BRINP1: variants seen among roughly 807,000 people sequenced by gnomAD.
BRINP1 encodes the protein BMP/retinoic acid inducible neural specific 1.
Under a neutral mutation model 72.9 loss-of-function variants are expected in BRINP1, and 17 were observed. That is an observed-to-expected ratio of 0.23 (90% CI 0.16 to 0.35). The LOEUF (loss-of-function observed/expected upper bound fraction) is 0.35, where lower values mean the gene tolerates loss of function less well. BRINP1 is among the 10% of genes least tolerant of loss of function. The pLI is 1.00. For missense variants in BRINP1, 850 were observed against 1,001.6 expected, an observed-to-expected ratio of 0.85 and a Z score of 2.04; for synonymous variants, 418 against 378.5, an observed-to-expected ratio of 1.10 and a Z score of -1.21.
intron 2 of BRINP1, among the ~76,000 whole-genome samples, chr9:119,295,740 G>A (rs1325723128): frequency 6.6e-6 from 1 of 152,132 alleles, no homozygotes; most frequent in South Asian, 2.1e-4. Flanking sequence ...ACCTGGGCAT[G>A]TATTGTCAAT....
At chr9:119,362,006 T>C (rs938107469) in intron 1 of BRINP1, among the ~76,000 whole-genome samples, 2 of 151,882 alleles carry the variant, frequency 1.3e-5, no homozygotes, top group Non-Finnish European at 2.9e-5. Flanking sequence ...ATTCACCATG[T>C]TGGTCAGGCT....
intron 7 of BRINP1, among the ~76,000 whole-genome samples, chr9:119,182,791 A>T (rs1829572037): frequency 6.6e-6 from 1 of 152,236 alleles, no homozygotes; most frequent in African/African-American, 2.4e-5. Flanking sequence ...AGACTAAGAT[A>T]ATACGTAAAC....
chr9:119,305,867 G>A (rs933833217), intron 2 of BRINP1, among the ~76,000 whole-genome samples: 6 of 152,168 alleles, frequency 3.9e-5, no homozygotes, highest in Middle Eastern at 3.2e-3. Flanking sequence ...TGCAGGGCCT[G>A]ACTAGTAGGA....
intron 1 of BRINP1, among the ~76,000 whole-genome samples, chr9:119,336,153 T>C (rs1374238958): frequency 6.6e-6 from 1 of 152,202 alleles, no homozygotes; most frequent in Non-Finnish European, 1.5e-5. Context: ...CTTCAAGTGC[T>C]CTGGAATACC....
chr9:119,306,107 G>C (rs1329864378), intron 2 of BRINP1, among the ~76,000 whole-genome samples: 1 of 152,132 alleles, frequency 6.6e-6, no homozygotes, highest in Non-Finnish European at 1.5e-5. Flanking sequence ...TGGGCAAGTA[G>C]GTCCATTTTC....
In BRINP1 at chr9:119,214,002, A is replaced by G. The variant is rs1159165756; in HGVS notation, c.839T>C (p.Ile280Thr). 7 of 1,614,108 alleles carry G rather than the reference A, an allele frequency of 4.3e-6. No homozygotes were observed. The highest frequency in any genetic ancestry group is 5.9e-6 in the Non-Finnish European group (7 of 1,180,024). Residue 280 changes from isoleucine to threonine, a missense_variant, in exon 6 of 8, where the codon ATC becomes ACC. Ile to Thr is a moderately conservative substitution (Grantham distance 89). Coordinates refer to ENST00000265922, the MANE Select transcript of BRINP1 (RefSeq NM_014618.3). The part of the protein sequence containing the change: ...AEEFPQCNCP[I>T]TDIQIMEYTL... ...GTACTCCATGATCTGGATGTCCGTG[A>G]TGGGGCAGTTGCACTGCGGAAACTC...
chr9:119,292,927 T>C (rs941428793), intron 2 of BRINP1, among the ~76,000 whole-genome samples: 1 of 152,202 alleles, frequency 6.6e-6, no homozygotes, highest in Non-Finnish European at 1.5e-5. Context: ...GCAAGAGTTT[T>C]CCCTGAGAAG....
intron 1 of BRINP1, among the ~76,000 whole-genome samples, chr9:119,366,312 G>C (rs918225967): frequency 1.3e-5 from 2 of 152,054 alleles, no homozygotes; most frequent in African/African-American, 2.4e-5. Flanking sequence ...TGGTAGATGG[G>C]TGTACATTTT....
intron 2 of BRINP1, among the ~76,000 whole-genome samples, chr9:119,260,536 ATTTG>A (rs902858250): frequency 3.3e-4 from 50 of 152,308 alleles, no homozygotes; most frequent in African/African-American, 7.7e-4. Context: ...TAGATCAGTG[ATTTG>A]TTTGTTTGTT....
chr9:119,349,438 G>A (rs936386797), intron 1 of BRINP1, among the ~76,000 whole-genome samples: 3 of 152,192 alleles, frequency 2.0e-5, no homozygotes, highest in Non-Finnish European at 4.4e-5. Context: ...CTCTTGGAGA[G>A]AAGCCGAGAG....
intron 2 of BRINP1, among the ~76,000 whole-genome samples, chr9:119,252,554 G>A (rs919709760): frequency 1.4e-4 from 15 of 108,278 alleles, no homozygotes; most frequent in African/African-American, 4.3e-4. Context: ...ATAGTCATAC[G>A]TGTGTGTGTG....
intron 3 of BRINP1, among the ~76,000 whole-genome samples, chr9:119,245,718 G>A (rs753679670): frequency 2.0e-5 from 3 of 152,072 alleles, no homozygotes; most frequent in Non-Finnish European, 4.4e-5. Context: ...TTGTCTCATA[G>A]GTGACAGGTT....
At chr9:119,197,486 T>C (rs921523690) in intron 7 of BRINP1, among the ~76,000 whole-genome samples, 1 of 152,190 alleles carries the variant, frequency 6.6e-6, no homozygotes, top group African/African-American at 2.4e-5. Context: ...ACAGGTATTA[T>C]TATCATCATT....
At chr9:119,281,102 G>A (rs1263800362) in intron 2 of BRINP1, among the ~76,000 whole-genome samples, 2 of 152,180 alleles carry the variant, frequency 1.3e-5, no homozygotes, top group Non-Finnish European at 2.9e-5. Flanking sequence ...AAGCCAGGGA[G>A]TCCAGCCAAC....
At chr9:119,199,615 T>C (rs904118622) in intron 7 of BRINP1, among the ~76,000 whole-genome samples, 1 of 152,156 alleles carries the variant, frequency 6.6e-6, no homozygotes, top group Admixed American at 6.5e-5. Flanking sequence ...AATTCTACTG[T>C]CTGCCCTCAA....
intron 2 of BRINP1, among the ~76,000 whole-genome samples, chr9:119,272,364 T>A (rs1276918450): frequency 6.6e-6 from 1 of 152,052 alleles, no homozygotes; most frequent in Admixed American, 6.6e-5. Context: ...ATTATAGGAG[T>A]GAGCCACTGC....
intron 1 of BRINP1, among the ~76,000 whole-genome samples, chr9:119,318,706 G>A (rs1831151092): frequency 6.6e-6 from 1 of 152,124 alleles, no homozygotes; most frequent in South Asian, 2.1e-4. Context: ...CTTCTACATG[G>A]CTTCTATTGT....
At chr9:119,267,700 T>C (rs1385899415) in intron 2 of BRINP1, among the ~76,000 whole-genome samples, 1 of 151,954 alleles carries the variant, frequency 6.6e-6, no homozygotes, top group Non-Finnish European at 1.5e-5. Context: ...GCTGGGGACA[T>C]AGGTCTGGAG....
chr9:119,245,254 C>A (rs550844576), intron 3 of BRINP1, among the ~76,000 whole-genome samples: 1 of 152,124 alleles, frequency 6.6e-6, no homozygotes, highest in East Asian at 1.9e-4. Flanking sequence ...GATGTGTACA[C>A]GTGTGTGCAA....
Sources: gnomAD v4.1 joint callset for allele counts (sites outside exome capture counted in the v4.1 genomes callset) on GRCh38, gnomAD v4.1.1 for gene constraint, MANE v1.5 for transcripts, NCBI Gene and HGNC (gene_info 2026-07-23, HGNC 2026-07-21) for gene names.